The following GNE variants were observed in gnomAD, a reference collection of about 807,000 sequenced individuals.
GNE encodes the protein glucosamine (UDP-N-acetyl)-2-epimerase/N-acetylmannosamine kinase, also known as bifunctional UDP-N-acetylglucosamine 2-epimerase/N-acetylmannosamine kinase.
In GNE, 41 loss-of-function variants were observed where a neutral mutation model predicts 61.8. That is an observed-to-expected ratio of 0.66 (90% CI 0.52 to 0.86). The LOEUF (loss-of-function observed/expected upper bound fraction) is 0.86, where lower values mean the gene tolerates loss of function less well. GNE is among the 40% of genes least tolerant of loss of function. GNE has a pLI of 0.00. For missense variants in GNE, 608 were observed against 909.1 expected, an observed-to-expected ratio of 0.67 and a Z score of 4.26; for synonymous variants, 264 against 326.4, an observed-to-expected ratio of 0.81 and a Z score of 2.06.
chr9:36,245,453 G>GGT (rs1271660870), intron 3 of GNE, among the ~76,000 whole-genome samples: 13 of 152,024 alleles, frequency 8.6e-5, no homozygotes, highest in African/African-American at 3.1e-4. Flanking sequence ...GGGAGCCCAA[G>GGT]GTGGGCGGAT....
upstream of GNE, chr9:36,263,215 G>C (rs970716716): frequency 6.5e-6 from 1 of 154,188 alleles, no homozygotes; most frequent in Non-Finnish European, 1.4e-5. Context: ...CTCTTGCCCA[G>C]GCTGGAGTGC....
At position 36,246,050 on chromosome 9, in the gene GNE, G is replaced by A; in HGVS notation, c.597C>T (p.Ser199=). The A allele has an allele frequency of 6.2e-7, 1 of 1,613,722 alleles. No individual in the cohort carries two copies. The highest frequency in any genetic ancestry group is 8.5e-7 in the Non-Finnish European group (1 of 1,179,674). The change falls in exon 3 of 12, where the codon AGC becomes AGT. Residue 199 remains serine, a synonymous_variant. Transcript: ENST00000642385. ...LLSAKNKDYM[S]IIRMWLGDDV... ...ACGTACCTAGCCACATGCGAATGAT[G>A]CTCATGTAGTCTTTGTTCTTGGCTG...
At chr9:36,258,870 C>T (rs1830512833), upstream of GNE, among the ~76,000 whole-genome samples, 1 of 152,098 alleles carries the variant, frequency 6.6e-6, no homozygotes, top group African/African-American at 2.4e-5. Flanking sequence ...CACAGCGGTC[C>T]CTGACGTTAA....
chr9:36,243,428 A>G (rs893211711), intron 3 of GNE, among the ~76,000 whole-genome samples: 2 of 152,248 alleles, frequency 1.3e-5, no homozygotes, highest in African/African-American at 2.4e-5. Context: ...TAATTAGAAC[A>G]GAATCCAAGA....
chr9:36,264,323 A>G (rs1172849703), intron 1 of GNE, among the ~76,000 whole-genome samples: 1 of 151,820 alleles, frequency 6.6e-6, no homozygotes, highest in Non-Finnish European at 1.5e-5. Flanking sequence ...TTTTATAGAG[A>G]TGGGGTTTCG....
Position 36,227,727 on chromosome 9 carries a change from T to A in GNE, c.1071-269A>T, listed in dbSNP as rs549870939. On this transcript the variant is annotated intron_variant, in intron 6 of 11. Coordinates refer to ENST00000642385, the MANE Select transcript of GNE (RefSeq NM_005476.7). ...ACTCTATCTCTACAAAAAGTAATTT[T>A]AAAAATCATGTTTAAAGAAATAAAT... Among the ~76,000 whole-genome samples, 42 of 152,106 alleles carry A rather than the reference T, an allele frequency of 2.8e-4. No individual in the cohort carries two copies. The South Asian group carries it at 8.5e-3, about 31-fold the overall frequency.
At chr9:36,245,990 C>T (rs1397222963) in intron 3 of GNE, 41 bp downstream of exon 3, 11 of 1,463,216 alleles carry the variant, frequency 7.5e-6, no homozygotes, top group Non-Finnish European at 1.1e-5. Flanking sequence ...CATTTTCTGA[C>T]AAAAACAGCC....
chr9:36,272,653 A>C (rs1831077313), intron 1 of GNE, among the ~76,000 whole-genome samples: 1 of 149,368 alleles, frequency 6.7e-6, no homozygotes, highest in Non-Finnish European at 1.5e-5. Context: ...AAAGAACTAC[A>C]GAAGATGGAT....
At chr9:36,242,164 G>A (rs200567437) in intron 3 of GNE, among the ~76,000 whole-genome samples, 46 of 146,644 alleles carry the variant, frequency 3.1e-4, no homozygotes, top group African/African-American at 7.1e-4. Flanking sequence ...TCAAAAAAAA[G>A]AAAAAAAAAA....
At chr9:36,234,154 A>T (rs1280594569) in intron 4 of GNE, 22 bp from the exon 5 acceptor site, 2 of 1,556,932 alleles carry the variant, frequency 1.3e-6, no homozygotes, top group Admixed American at 3.3e-5. Context: ...AAAAGAACCA[A>T]TTGGTAAATG....
chr9:36,265,469 C>T (rs144875202), intron 1 of GNE: 137 of 456,606 alleles, frequency 3.0e-4, no homozygotes, highest in African/African-American at 2.6e-3. Context: ...CCATCTCTGC[C>T]CTAAGCCAAT....
upstream of GNE, among the ~76,000 whole-genome samples, chr9:36,260,868 C>CAAAAAAAAAAAA (rs745821430): frequency 1.0e-5 from 1 of 96,036 alleles, no homozygotes; most frequent in East Asian, 4.0e-4. Context: ...GACTCTATCT[C>CAAAAAAAAAAAA]AAAAAAAAAA....
At chr9:36,276,782 A>G in intron 1 of GNE, 1 of 811,330 alleles carries the variant, frequency 1.2e-6, no homozygotes, top group Non-Finnish European at 2.0e-6. Flanking sequence ...GATGGATTTG[A>G]TAGATTTAAA....
At chr9:36,222,336 G>T (rs891291293) in intron 9 of GNE, among the ~76,000 whole-genome samples, 1 of 149,526 alleles carries the variant, frequency 6.7e-6, no homozygotes, top group Non-Finnish European at 1.5e-5. Context: ...GGAGAATGGC[G>T]TGAACCCAGG....
rs1830305137 is a variant in GNE at position 36,255,813 on chromosome 9, AAAT to A, written c.-43+2505_-43+2507del. The stretch of plus-strand genomic sequence containing the variant: ...GCCACCAAAAGAAAGACAGAAAAAC[AAAT>A]AATAGGTGACAGATGGATGGATGAT... On this transcript the variant is annotated intron_variant, in intron 1 of 11. Coordinates refer to ENST00000642385, the MANE Select transcript of GNE (RefSeq NM_005476.7). Among the ~76,000 whole-genome samples the A allele has an allele frequency of 2.6e-5, 4 of 152,322 alleles. 1 individual carries two copies. The highest frequency in any genetic ancestry group is 4.1e-4 in the South Asian group (2 of 4,832).
At chr9:36,267,858 C>A (rs1830867588) in intron 1 of GNE, 1 of 151,526 alleles carries the variant, frequency 6.6e-6, no homozygotes, top group Admixed American at 6.6e-5. Flanking sequence ...AAGTATCATA[C>A]TGTAAACCAG....
chr9:36,269,494 A>G (rs993561529), intron 1 of GNE, among the ~76,000 whole-genome samples: 3 of 151,430 alleles, frequency 2.0e-5, no homozygotes, highest in Admixed American at 6.6e-5. Flanking sequence ...AGTTCATTTT[A>G]TCCTGTTGAC....
In GNE at chr9:36,222,072, T is replaced by C. The variant is rs1465901484; in HGVS notation, c.1633+705A>G. Reference sequence around the variant, plus strand: ...CACCTCAAAGGGCCTGCTTTCATCTTAACTAACTAGGAACTATCCTAGTGC... The same window carrying C: ...CACCTCAAAGGGCCTGCTTTCATCTCAACTAACTAGGAACTATCCTAGTGC... On this transcript the variant is annotated intron_variant, in intron 9 of 11. Transcript: ENST00000642385. 7.9e-5 allele frequency among the ~76,000 whole-genome samples: 12 copies of C among 152,158 alleles called. No homozygotes were observed. In the South Asian group the frequency reaches 1.2e-3, roughly 16 times the overall value.
intron 1 of GNE, among the ~76,000 whole-genome samples, chr9:36,254,884 G>A (rs1188732932): frequency 2.6e-5 from 4 of 151,674 alleles, no homozygotes; most frequent in East Asian, 2.0e-4. Flanking sequence ...CCCGGGAGGC[G>A]GAGGTTGCAG....
Sources: allele counts gnomAD v4.1 joint callset (sites outside exome capture counted in the v4.1 genomes callset), GRCh38; gene constraint gnomAD v4.1.1; transcripts MANE v1.5; gene names NCBI Gene and HGNC (gene_info 2026-07-23, HGNC 2026-07-21).